TMEM35B: variants seen among roughly 807,000 people sequenced by gnomAD.
TMEM35B encodes transmembrane protein 35B.
In TMEM35B, 6 loss-of-function variants were observed where a neutral mutation model predicts 8.7. That is an observed-to-expected ratio of 0.69 (90% CI 0.38 to 1.36). The LOEUF (loss-of-function observed/expected upper bound fraction) is 1.36. Ranked by LOEUF, TMEM35B falls within the 40% of genes most tolerant of loss-of-function variation. The probability of loss-of-function intolerance (pLI) is 0.02; values close to 1 mark genes in which losing one functional copy is unlikely to be tolerated. For missense variants in TMEM35B, 176 were observed against 181.6 expected (o/e 0.97, Z 0.18); for synonymous variants, 89 against 87.0 (o/e 1.02, Z -0.13).
Position 34,983,834 on chromosome 1 carries a change from C to G in TMEM35B, c.222G>C (p.Leu74Phe), listed in dbSNP as rs1351575737. The G allele has an allele frequency of 9.1e-6, 14 of 1,546,720 alleles. No homozygotes were observed. In the East Asian group the frequency reaches 3.2e-4, roughly 35 times the overall value. ...GCATCGGTGGGCCCATGACCAGCAG[C>G]AACCCAGCCAGCAGTTCCAGAAAGC... The change falls in exon 2 of 3, where the codon TTG becomes TTC. Residue 74 changes from leucine (L) to phenylalanine (F), a missense_variant. Coordinates refer to ENST00000373337, the Ensembl canonical transcript of TMEM35B.
At chr1:34,982,350 G>C (rs1271752878) in intron 2 of TMEM35B, among the ~76,000 whole-genome samples, 1 of 151,828 alleles carries the variant, frequency 6.6e-6, no homozygotes, top group African/African-American at 2.4e-5. Context: ...GGCAACAGTT[G>C]CCCCTCTCAG....
chr1:34,984,453 C>G (rs1640541966), intron 1 of TMEM35B, among the ~76,000 whole-genome samples: 1 of 152,216 alleles, frequency 6.6e-6, no homozygotes, highest in East Asian at 1.9e-4. Context: ...TCCCACTCCT[C>G]AGCTCTACCT....
intron 1 of TMEM35B, among the ~76,000 whole-genome samples, chr1:34,984,812 CCCCAACCCCACGAA>C (rs1640547310): frequency 1.3e-5 from 2 of 152,146 alleles, no homozygotes. Context: ...GATTACTACA[CCCCAACCCCACGAA>C]CCTCCCAAAA....
chr1:34,984,060 C>T, intron 1 of TMEM35B, 113 bp from the exon 2 acceptor site: 2 of 1,089,704 alleles, frequency 1.8e-6, no homozygotes, highest in Non-Finnish European at 2.5e-6. Flanking sequence ...AAAAGAACTA[C>T]TACTCTAGGT....
At chr1:34,984,797 G>T (rs1194343143) in intron 1 of TMEM35B, among the ~76,000 whole-genome samples, 2 of 152,258 alleles carry the variant, frequency 1.3e-5, no homozygotes, top group African/African-American at 2.4e-5. Flanking sequence ...TCCCTGCAAA[G>T]CCAGGATTAC....
At chr1:34,985,270 C>T in exon 1 of TMEM35B, 3 of 1,545,340 alleles carry the variant, frequency 1.9e-6, no homozygotes, top group South Asian at 2.4e-5. Flanking sequence ...AGAAGCCGCC[C>T]AGCAGTACAC....
exon 1 of TMEM35B, chr1:34,985,237 C>T (rs993227161): frequency 6.5e-7 from 1 of 1,545,866 alleles, no homozygotes; most frequent in Non-Finnish European, 8.7e-7. Flanking sequence ...CCTCCGAGAG[C>T]TTGGCCAACC....
At chr1:34,985,059 G>T in intron 1 of TMEM35B, 139 bp downstream of exon 1, 2 of 601,314 alleles carry the variant, frequency 3.3e-6, no homozygotes, top group South Asian at 5.4e-5. Flanking sequence ...CGCCTCAGTC[G>T]AAAGCCAGGC....
At chr1:34,983,844 A>C (rs1392947060) in exon 2 of TMEM35B, 1 of 1,546,838 alleles carries the variant, frequency 6.5e-7, no homozygotes, top group Admixed American at 2.0e-5. Context: ...CAACCCAGCC[A>C]GCAGTTCCAG....
chr1:34,984,001 C>T, intron 1 of TMEM35B, 54 bp from the exon 2 acceptor site: 1 of 1,396,226 alleles, frequency 7.2e-7, no homozygotes, highest in Non-Finnish European at 9.4e-7. Context: ...GGATGAGCTC[C>T]CCAGATGCTC....
intron 2 of TMEM35B, 141 bp downstream of exon 2, chr1:34,983,626 C>T: frequency 2.1e-6 from 1 of 481,448 alleles, no homozygotes; most frequent in Non-Finnish European, 3.4e-6. Context: ...AGTTTGAAGA[C>T]CATGGAAACT....
intron 2 of TMEM35B, 90 bp from the exon 3 acceptor site, chr1:34,982,209 C>T (rs1640514406): frequency 6.8e-6 from 8 of 1,181,516 alleles, no homozygotes; most frequent in Non-Finnish European, 9.2e-6. Flanking sequence ...TGACCCACTC[C>T]AGCCCAAGCC....
chr1:34,981,875 G>GAT lies in TMEM35B; in HGVS notation c.*67_*68dup, dbSNP rs1406822804. 38 of 1,400,958 alleles carry GAT rather than the reference G, an allele frequency of 2.7e-5. 1 individual carries two copies. The African/African-American group carries it at 4.2e-4, about 15-fold the overall frequency. 86.8% of individuals were successfully genotyped at this position (1,400,958 alleles called of 1,614,324 possible). A position where few individuals can be genotyped will look rare whatever the true frequency, so the allele number is the denominator to read the frequency against. On this transcript the variant is annotated 3_prime_UTR_variant, in exon 3 of 3. Transcript: ENST00000373337. ...ACCCTGGATATTATACTGGTAACAA[G>GAT]ATGATAGACTCTGTGTTCTACCATG... is the stretch of plus-strand genomic sequence containing the variant.
rs1467727655 is a variant in TMEM35B, at chr1:34,982,126, TG to T, written c.290-8del. ...GCCAAGGTGAAGATAGCCCCTGGAA[TG>T]GAAAGTGAGGTCCCTGAGGCTCCTT... is the stretch of plus-strand genomic sequence containing the variant. On this transcript the variant is annotated splice_region_variant and splice_polypyrimidine_tract_variant and intron_variant, in intron 2 of 2. Transcript: ENST00000373337. 6.5e-7 allele frequency: 1 copy of T among 1,539,668 alleles called. No homozygotes were observed. Among genetic ancestry groups the T allele is most frequent in the Admixed American group, 2.0e-5 (1 of 49,868 alleles).
intron 1 of TMEM35B, among the ~76,000 whole-genome samples, chr1:34,984,863 A>AGAGAGC (rs1473793667): frequency 1.3e-5 from 2 of 148,694 alleles, no homozygotes; most frequent in African/African-American, 4.9e-5. Flanking sequence ...AAAAGAGGGA[A>AGAGAGC]GAGAGCGGGA....
At chr1:34,981,849 G>A in exon 3 of TMEM35B, 10 of 1,271,036 alleles carry the variant, frequency 7.9e-6, no homozygotes, top group African/African-American at 1.5e-5. Flanking sequence ...AACACTGGCT[G>A]ACCCTGGATA....
intron 2 of TMEM35B, 51 bp from the exon 3 acceptor site, chr1:34,982,170 C>T (rs996308231): frequency 6.1e-6 from 9 of 1,483,884 alleles, no homozygotes; most frequent in South Asian, 1.4e-5. Flanking sequence ...CCCAGGAGAT[C>T]CAGGAGCTCA....
exon 3 of TMEM35B, chr1:34,981,601 T>A (rs7362): frequency 0.23 from 36,135 of 154,780 alleles, 10,432 homozygotes; most frequent in African/African-American, 0.69. Flanking sequence ...TATTTTCATT[T>A]AAAAAAAATA....
chr1:34,983,208 C>A (rs571791683), intron 2 of TMEM35B, among the ~76,000 whole-genome samples: 1 of 152,282 alleles, frequency 6.6e-6, no homozygotes, highest in African/African-American at 2.4e-5. Flanking sequence ...CAAGGCAATA[C>A]TATGCAGCCA....
Sources: gnomAD v4.1 joint callset for allele counts (sites outside exome capture counted in the v4.1 genomes callset) on GRCh38, gnomAD v4.1.1 for gene constraint, MANE v1.5 for transcripts, NCBI Gene and HGNC (gene_info 2026-07-23, HGNC 2026-07-21) for gene names.